DLG2: variants seen among roughly 807,000 people sequenced by gnomAD.
DLG2 encodes the protein disks large homolog 2.
Under a neutral mutation model 132.5 loss-of-function variants are expected in DLG2, and 45 were observed. That is an observed-to-expected ratio of 0.34 (90% CI 0.27 to 0.44). The LOEUF (loss-of-function observed/expected upper bound fraction) is 0.44. Ranked by LOEUF, DLG2 falls within the 20% of genes least tolerant of loss-of-function variation. The pLI, the probability that DLG2 is intolerant of heterozygous loss-of-function variation, is 1.00. For synonymous variants in DLG2, 424 were observed against 419.6 expected, an observed-to-expected ratio of 1.01 and a Z score of -0.13; for missense variants, 1,045 against 1,196.9, an observed-to-expected ratio of 0.87 and a Z score of 1.87.
chr11:84,804,156 A>T (rs77723128), intron 6 of DLG2, among the ~76,000 whole-genome samples: 2,122 of 152,326 alleles, frequency 0.014, 48 homozygotes, highest in African/African-American at 0.046. Context: ...CAAATTGACT[A>T]GTCTTTGCCA....
intron 7 of DLG2, among the ~76,000 whole-genome samples, chr11:84,260,973 T>C (rs547570123): frequency 6.6e-5 from 10 of 152,326 alleles, no homozygotes; most frequent in Admixed American, 4.6e-4. Context: ...TAACCATACC[T>C]ACTTAATTCA....
At chr11:85,074,076 C>T (rs2066210561) in intron 6 of DLG2, among the ~76,000 whole-genome samples, 1 of 151,780 alleles carries the variant, frequency 6.6e-6, no homozygotes. Flanking sequence ...GAACAACAGA[C>T]ACTGGAGCCT....
intron 18 of DLG2, among the ~76,000 whole-genome samples, chr11:83,710,388 C>G (rs1325688789): frequency 6.6e-6 from 1 of 152,140 alleles, no homozygotes; most frequent in African/African-American, 2.4e-5. Flanking sequence ...TCTCGAACTT[C>G]TGATCTCAAG....
At chr11:85,235,927 T>C (rs2075562978) in intron 4 of DLG2, among the ~76,000 whole-genome samples, 2 of 151,968 alleles carry the variant, frequency 1.3e-5, no homozygotes, top group South Asian at 4.1e-4. Context: ...GTGTAGAATA[T>C]AGTTTATGAA....
chr11:84,252,582 A>G (rs2097401287), intron 7 of DLG2, among the ~76,000 whole-genome samples: 1 of 152,120 alleles, frequency 6.6e-6, no homozygotes, highest in African/African-American at 2.4e-5. Flanking sequence ...AATTCTCTTT[A>G]AAGTTTAGCG....
chr11:84,131,019 T>C (rs989576723), intron 9 of DLG2, among the ~76,000 whole-genome samples: 1 of 152,016 alleles, frequency 6.6e-6, no homozygotes, highest in Non-Finnish European at 1.5e-5. Context: ...ACTTCATAAA[T>C]AGACCAGTAT....
chr11:85,492,253 C>A (rs1394034953), intron 3 of DLG2, among the ~76,000 whole-genome samples: 4 of 152,140 alleles, frequency 2.6e-5, no homozygotes, highest in Middle Eastern at 3.2e-3. Flanking sequence ...GTAATTGCAG[C>A]AAAATTTGCC....
chr11:84,513,105 C>G (rs1217319037), intron 7 of DLG2, among the ~76,000 whole-genome samples: 13 of 151,920 alleles, frequency 8.6e-5, no homozygotes, highest in African/African-American at 3.1e-4. Flanking sequence ...TATACCTGCA[C>G]AAACCTGCAC....
chr11:85,466,736 G>C (rs1024912024), intron 3 of DLG2, among the ~76,000 whole-genome samples: 1 of 152,172 alleles, frequency 6.6e-6, no homozygotes, highest in African/African-American at 2.4e-5. Context: ...TTTGAAGTCA[G>C]GTAGCGTGGT....
chr11:84,206,746 A>G (rs2096671064), intron 8 of DLG2, among the ~76,000 whole-genome samples: 1 of 152,054 alleles, frequency 6.6e-6, no homozygotes. Flanking sequence ...TGGAGACCTT[A>G]GCATGGACAT....
At chr11:84,326,699 T>A (rs1284659453) in intron 7 of DLG2, among the ~76,000 whole-genome samples, 2 of 152,230 alleles carry the variant, frequency 1.3e-5, no homozygotes, top group East Asian at 3.8e-4. Context: ...ATTCTCCTGC[T>A]GTTAGCTGGC....
chr11:84,798,292 T>A (rs183357062), intron 6 of DLG2, among the ~76,000 whole-genome samples: 33 of 152,228 alleles, frequency 2.2e-4, no homozygotes, highest in African/African-American at 7.5e-4. Context: ...GAAGTTTCAG[T>A]GATGCTATCT....
intron 8 of DLG2, among the ~76,000 whole-genome samples, chr11:84,241,611 A>C (rs2097226920): frequency 6.6e-6 from 1 of 152,072 alleles, no homozygotes; most frequent in Admixed American, 6.5e-5. Flanking sequence ...GAAAAAAAAA[A>C]CCCACCAGGA....
At chr11:84,513,567 C>T (rs1236695154) in intron 7 of DLG2, among the ~76,000 whole-genome samples, 4 of 151,812 alleles carry the variant, frequency 2.6e-5, no homozygotes, top group African/African-American at 7.3e-5. Context: ...GACAAAGGTG[C>T]CAAGAACATA....
At chr11:85,579,410 G>C (rs1156933171) in intron 3 of DLG2, among the ~76,000 whole-genome samples, 1 of 151,990 alleles carries the variant, frequency 6.6e-6, no homozygotes, top group Non-Finnish European at 1.5e-5. Context: ...AAAAAAAAGA[G>C]AGAGACCTGA....
chr11:83,660,804 G>A (rs1449937785), intron 18 of DLG2, among the ~76,000 whole-genome samples: 1 of 152,044 alleles, frequency 6.6e-6, no homozygotes, highest in African/African-American at 2.4e-5. Context: ...TGATAAAATT[G>A]TACTATTTGA....
intron 17 of DLG2, among the ~76,000 whole-genome samples, chr11:83,806,235 CT>C: frequency 6.6e-6 from 1 of 152,200 alleles, no homozygotes; most frequent in East Asian, 1.9e-4. Context: ...CTTCTTTACT[CT>C]TTTATTATTA....
chr11:84,244,177 C>T (rs1263053920), intron 8 of DLG2, among the ~76,000 whole-genome samples: 1 of 151,998 alleles, frequency 6.6e-6, no homozygotes, highest in African/African-American at 2.4e-5. Context: ...GAATCAGAAA[C>T]TTCATTTTCT....
chr11:85,349,075 G>A (rs1274650011), intron 3 of DLG2, among the ~76,000 whole-genome samples: 1 of 152,146 alleles, frequency 6.6e-6, no homozygotes, highest in Non-Finnish European at 1.5e-5. Flanking sequence ...TGGAATGGGT[G>A]GTTGGACATG....
Sources: gnomAD v4.1 joint callset for allele counts (sites outside exome capture counted in the v4.1 genomes callset) on GRCh38, gnomAD v4.1.1 for gene constraint, MANE v1.5 for transcripts, NCBI Gene and HGNC (gene_info 2026-07-23, HGNC 2026-07-21) for gene names.